NTRK2: variants seen among roughly 807,000 people sequenced by gnomAD.
The protein encoded by NTRK2 is neurotrophic receptor tyrosine kinase 2, also known as BDNF/NT-3 growth factors receptor.
NTRK2 carries 13 observed loss-of-function variants against 94.5 expected under a neutral mutation model. That is an observed-to-expected ratio of 0.14 (90% CI 0.09 to 0.22). The LOEUF (loss-of-function observed/expected upper bound fraction) is 0.22. Ranked by LOEUF, NTRK2 falls within the 10% of genes least tolerant of loss-of-function variation. NTRK2 has a pLI of 1.00. For missense variants in NTRK2, 639 were observed against 1,071.2 expected (o/e 0.60, Z 5.63); for synonymous variants, 372 against 407.4 (o/e 0.91, Z 1.05).
chr9:84,726,154 A>G (rs183680183), intron 8 of NTRK2, among the ~76,000 whole-genome samples: 18 of 152,338 alleles, frequency 1.2e-4, no homozygotes, highest in Admixed American at 4.6e-4. Context: ...CTTATCTGTC[A>G]TAGTTTAGAC....
chr9:84,715,440 G>T (rs1431846737), intron 6 of NTRK2, among the ~76,000 whole-genome samples: 1 of 152,066 alleles, frequency 6.6e-6, no homozygotes, highest in African/African-American at 2.4e-5. Flanking sequence ...CAGTCAAAAT[G>T]CCTCACAATA....
chr9:84,829,882 C>T (rs557903532), intron 12 of NTRK2, among the ~76,000 whole-genome samples: 3 of 152,238 alleles, frequency 2.0e-5, no homozygotes, highest in East Asian at 1.9e-4. Flanking sequence ...ATTTTCTTTC[C>T]TCTTACTGCA....
At chr9:84,986,721 T>C (rs987188122) in intron 17 of NTRK2, among the ~76,000 whole-genome samples, 4 of 152,212 alleles carry the variant, frequency 2.6e-5, no homozygotes, top group African/African-American at 9.7e-5. Context: ...ACCTGATGAA[T>C]TACTGGAGAG....
chr9:84,686,208 G>C (rs973170642), intron 2 of NTRK2, among the ~76,000 whole-genome samples: 3 of 152,208 alleles, frequency 2.0e-5, no homozygotes, highest in African/African-American at 7.2e-5. Context: ...TTCATGCACA[G>C]CAAGAGATTG....
rs759742322 is a variant in NTRK2, at chr9:84,752,098, G to T, written c.1396+13G>T. On this transcript the variant is annotated intron_variant, in intron 12 of 18. Transcript: ENST00000277120. ...TTTGGCATGAAAGGTAAGAAGGGTT[G>T]TGTTTATTTAGCTTCTTATGTGGAT... 1 of 1,603,008 alleles carries T rather than the reference G, an allele frequency of 6.2e-7. No individual in the cohort carries two copies. The highest frequency in any genetic ancestry group is 2.2e-5 in the East Asian group (1 of 44,808).
chr9:84,868,025 T>C (rs2075675699), intron 14 of NTRK2, among the ~76,000 whole-genome samples: 1 of 152,244 alleles, frequency 6.6e-6, no homozygotes. Flanking sequence ...ATTAACCCAT[T>C]AATCTCTGTT....
intron 12 of NTRK2, among the ~76,000 whole-genome samples, chr9:84,804,167 G>T (rs55782065): frequency 0.013 from 2,034 of 152,170 alleles, 13 homozygotes; most frequent in South Asian, 0.029. Flanking sequence ...CTTGGACCTG[G>T]ATTTATCTTC....
chr9:84,764,988 T>C (rs999881272), intron 12 of NTRK2, among the ~76,000 whole-genome samples: 4 of 152,146 alleles, frequency 2.6e-5, no homozygotes, highest in Non-Finnish European at 4.4e-5. Context: ...TTCTCACTTA[T>C]TTGTAGAATA....
intron 12 of NTRK2, among the ~76,000 whole-genome samples, chr9:84,756,811 A>G (rs891070279): frequency 2.0e-5 from 3 of 152,190 alleles, no homozygotes; most frequent in Non-Finnish European, 4.4e-5. Context: ...TAAAGGCTGG[A>G]AAGCTACCCT....
intron 17 of NTRK2, among the ~76,000 whole-genome samples, chr9:84,967,225 C>T (rs1825660256): frequency 6.6e-6 from 1 of 152,158 alleles, no homozygotes; most frequent in African/African-American, 2.4e-5. Context: ...AGTGATGCAC[C>T]ATGTTCCTGG....
chr9:84,676,880 G>A (rs2059091101), intron 2 of NTRK2, among the ~76,000 whole-genome samples: 1 of 152,160 alleles, frequency 6.6e-6, no homozygotes, highest in Non-Finnish European at 1.5e-5. Context: ...ATTGAAAAGT[G>A]CATGAGCTAC....
chr9:84,752,177 T>C (rs1400332501), intron 12 of NTRK2, 92 bp downstream of exon 12: 14 of 959,090 alleles, frequency 1.5e-5, no homozygotes, highest in Non-Finnish European at 1.3e-5. Flanking sequence ...AGTGGCTAGA[T>C]TTATGATGAT....
At chr9:84,890,495 G>T (rs1196760235) in intron 14 of NTRK2, among the ~76,000 whole-genome samples, 1 of 152,200 alleles carries the variant, frequency 6.6e-6, no homozygotes, top group Non-Finnish European at 1.5e-5. Flanking sequence ...GTCCCAGGTA[G>T]GGAAAATGTA....
rs2063951646 is a variant in NTRK2 at position 84,745,106 on chromosome 9, C to A, written c.1296+33C>A. 4 of 1,524,320 alleles carry A rather than the reference C, an allele frequency of 2.6e-6. No homozygotes were observed. The African/African-American group carries it at 4.1e-5, about 16-fold the overall frequency. The allele number at this position is 1,524,320 out of a possible 1,614,324, so 94.4% of individuals were successfully genotyped here. On this transcript the variant is annotated intron_variant, in intron 11 of 18. Transcript: ENST00000277120. ...GAATAAATAGGTGTCTGAATTGGTT[C>A]TGAGCATTTTGGATGCCTCCATGTT...
At chr9:84,843,541 T>A (rs559228920) in intron 12 of NTRK2, among the ~76,000 whole-genome samples, 1 of 152,244 alleles carries the variant, frequency 6.6e-6, no homozygotes, top group South Asian at 2.1e-4. Context: ...AAAGTTGCAT[T>A]TTCCCTGGAG....
At chr9:85,004,888 G>A (rs1406290515) in intron 17 of NTRK2, among the ~76,000 whole-genome samples, 1 of 152,140 alleles carries the variant, frequency 6.6e-6, no homozygotes, top group African/African-American at 2.4e-5. Flanking sequence ...TCCTACCCAG[G>A]TACTGACTGA....
At chr9:84,697,064 G>A (rs1409506390) in intron 2 of NTRK2, among the ~76,000 whole-genome samples, 1 of 152,160 alleles carries the variant, frequency 6.6e-6, no homozygotes, top group East Asian at 1.9e-4. Flanking sequence ...GAGGGCCAGG[G>A]ACCCTGAGGG....
At chr9:84,671,331 G>A (rs530788244) in intron 2 of NTRK2, among the ~76,000 whole-genome samples, 8 of 152,302 alleles carry the variant, frequency 5.3e-5, no homozygotes, top group East Asian at 1.9e-4. Context: ...TGTGTATGTT[G>A]TGTTAGAAGT....
At chr9:84,864,195 A>G (rs2075464078) in intron 13 of NTRK2, among the ~76,000 whole-genome samples, 1 of 152,146 alleles carries the variant, frequency 6.6e-6, no homozygotes, top group Non-Finnish European at 1.5e-5. Context: ...GCCAGGGGAG[A>G]GTCAGAGAAG....
Sources: allele counts gnomAD v4.1 joint callset (sites outside exome capture counted in the v4.1 genomes callset), GRCh38; gene constraint gnomAD v4.1.1; transcripts MANE v1.5; gene names NCBI Gene and HGNC (gene_info 2026-07-23, HGNC 2026-07-21).